KIAA0825: variants seen among roughly 807,000 people sequenced by gnomAD.
KIAA0825 encodes uncharacterized protein KIAA0825.
In KIAA0825, 119 loss-of-function variants were observed where a neutral mutation model predicts 147.6. The observed-to-expected ratio is 0.81, with a 90% CI of 0.69 to 0.94. KIAA0825 has a LOEUF of 0.94. Among genes scored for constraint, KIAA0825 ranks in the 40% least tolerant of loss-of-function variants. The pLI is 0.00. For missense variants in KIAA0825, 1,381 were observed against 1,472.7 expected, an observed-to-expected ratio of 0.94 and a Z score of 1.02; for synonymous variants, 470 against 518.1, an observed-to-expected ratio of 0.91 and a Z score of 1.26.
intron 20 of KIAA0825, among the ~76,000 whole-genome samples, chr5:94,205,500 C>T (rs529075668): frequency 6.6e-6 from 1 of 151,764 alleles, no homozygotes; most frequent in East Asian, 1.9e-4. Flanking sequence ...ACCATGTTAG[C>T]CAGGATGGTC....
At chr5:94,457,074 T>C (rs1759206143) in intron 12 of KIAA0825, among the ~76,000 whole-genome samples, 1 of 152,232 alleles carries the variant, frequency 6.6e-6, no homozygotes, top group South Asian at 2.1e-4. Context: ...ATAAGAGATA[T>C]TATGGCAGAT....
At chr5:94,483,958 C>T (rs946553244) in intron 6 of KIAA0825, among the ~76,000 whole-genome samples, 1 of 151,276 alleles carries the variant, frequency 6.6e-6, no homozygotes, top group African/African-American at 2.4e-5. Context: ...ATTTACACTC[C>T]TTAGAATGGC....
intron 20 of KIAA0825, among the ~76,000 whole-genome samples, chr5:94,307,336 G>A (rs1448496244): frequency 6.6e-6 from 1 of 151,664 alleles, no homozygotes; most frequent in Non-Finnish European, 1.5e-5. Context: ...AGTTTTGGCT[G>A]CCTATAATAG....
intron 17 of KIAA0825, among the ~76,000 whole-genome samples, chr5:94,394,326 G>A (rs888846738): frequency 2.6e-5 from 4 of 152,138 alleles, no homozygotes; most frequent in Non-Finnish European, 4.4e-5. Flanking sequence ...GAAAGATGTA[G>A]CATTGTGCTA....
At chr5:94,228,207 T>C (rs960948841) in intron 20 of KIAA0825, among the ~76,000 whole-genome samples, 1 of 152,180 alleles carries the variant, frequency 6.6e-6, no homozygotes, top group African/African-American at 2.4e-5. Flanking sequence ...TGAATTAAGT[T>C]TTATTAGAAT....
In KIAA0825 at chr5:94,224,082, C is replaced by CTTTTTTTTTTTTTTT. The variant is rs869059424; in HGVS notation, c.3711-69973_3711-69959dup. On this transcript the variant is annotated intron_variant, in intron 20 of 20. Transcript: ENST00000682413. The stretch of plus-strand genomic sequence containing the variant: ...TTTCTTTTCTCTTTCTTTTTCTTTT[C>CTTTTTTTTTTTTTTT]TTTTTTTTTTTTTTTTTTTTTTTTT... Among the ~76,000 whole-genome samples, 324 of 56,532 alleles carry CTTTTTTTTTTTTTTT rather than the reference C, an allele frequency of 5.7e-3. 4 individuals are homozygous for CTTTTTTTTTTTTTTT. Among genetic ancestry groups the CTTTTTTTTTTTTTTT allele is most frequent in the East Asian group, 8.2e-3 (13 of 1,592 alleles). 37.1% of individuals were successfully genotyped at this position (56,532 alleles called of 152,430 possible).
intron 20 of KIAA0825, among the ~76,000 whole-genome samples, chr5:94,290,047 GA>G (rs958297842): frequency 2.0e-5 from 3 of 148,666 alleles, no homozygotes; most frequent in Admixed American, 1.3e-4. Context: ...TTTACTGATT[GA>G]AAAAAAAATG....
chr5:94,460,594 A>G (rs1216515337), intron 12 of KIAA0825, among the ~76,000 whole-genome samples: 2 of 152,062 alleles, frequency 1.3e-5, no homozygotes, highest in South Asian at 2.1e-4. Flanking sequence ...CAATTCCTCA[A>G]AGAATGTGGT....
chr5:94,427,599 A>C (rs946623781), intron 14 of KIAA0825, among the ~76,000 whole-genome samples: 1 of 152,210 alleles, frequency 6.6e-6, no homozygotes, highest in Admixed American at 6.5e-5. Context: ...ACTACTTTTT[A>C]TAAGATTTGT....
chr5:94,289,535 GAAAAAAA>G (rs540467740), intron 20 of KIAA0825, among the ~76,000 whole-genome samples: 1 of 100,734 alleles, frequency 9.9e-6, no homozygotes, highest in African/African-American at 3.6e-5. Context: ...ACTCCATCTG[GAAAAAAA>G]AAAAAAAAAA....
Position 94,514,680 on chromosome 5 carries a change from G to A in KIAA0825, c.970+5568C>T, listed in dbSNP as rs569789476. ...GCTTCAGTATACTTTTTCTTCTTTC[G>A]TAATATCATCATTCAAATGGTCAAA... On this transcript the variant is annotated intron_variant, in intron 5 of 20. Coordinates refer to ENST00000682413, the MANE Select transcript of KIAA0825 (RefSeq NM_001145678.3). Among the ~76,000 whole-genome samples the A allele has an allele frequency of 3.9e-5, 6 of 152,218 alleles. 2 individuals carry two copies. The South Asian group carries it at 1.2e-3, about 32-fold the overall frequency.
intron 2 of KIAA0825, among the ~76,000 whole-genome samples, chr5:94,555,057 T>C (rs181537340): frequency 4.1e-4 from 62 of 152,084 alleles, no homozygotes; most frequent in African/African-American, 1.5e-3. Context: ...ATGTCCTTCA[T>C]TGTGAAATCT....
intron 20 of KIAA0825, among the ~76,000 whole-genome samples, chr5:94,276,682 A>T (rs551278510): frequency 6.6e-6 from 1 of 152,238 alleles, no homozygotes; most frequent in South Asian, 2.1e-4. Flanking sequence ...TTGCTGGATA[A>T]TAAGAAATAG....
chr5:94,581,137 G>C (rs575729667), intron 2 of KIAA0825, among the ~76,000 whole-genome samples: 2 of 151,918 alleles, frequency 1.3e-5, no homozygotes, highest in Non-Finnish European at 2.9e-5. Context: ...AAAATCAATA[G>C]TGAAACATGT....
chr5:94,609,298 A>G (rs1184256726), intron 1 of KIAA0825, among the ~76,000 whole-genome samples: 3 of 152,242 alleles, frequency 2.0e-5, no homozygotes, highest in Non-Finnish European at 4.4e-5. Context: ...GACATTGAAG[A>G]GACATTGCAA....
intron 14 of KIAA0825, among the ~76,000 whole-genome samples, chr5:94,438,582 G>A (rs1756665951): frequency 6.6e-6 from 1 of 152,056 alleles, no homozygotes; most frequent in Non-Finnish European, 1.5e-5. Flanking sequence ...TGAGGCCTGA[G>A]GAGTTGTGAT....
At chr5:94,499,236 A>G (rs1177598999) in intron 5 of KIAA0825, among the ~76,000 whole-genome samples, 1 of 152,156 alleles carries the variant, frequency 6.6e-6, no homozygotes, top group African/African-American at 2.4e-5. Flanking sequence ...AAGAAGCCAG[A>G]AGACCTGAGA....
chr5:94,209,948 A>G (rs1010423451), intron 20 of KIAA0825, among the ~76,000 whole-genome samples: 4 of 152,218 alleles, frequency 2.6e-5, no homozygotes. Context: ...ATCTTTGCCC[A>G]TCACAGTCTT....
chr5:94,219,090 C>T lies in KIAA0825; in HGVS notation c.3711-64966G>A, dbSNP rs942300219. On this transcript the variant is annotated intron_variant, in intron 20 of 20. Coordinates refer to ENST00000682413, the MANE Select transcript of KIAA0825 (RefSeq NM_001145678.3). ...AAGACAATTTTTCCACAGATGGGGG[C>T]GGGGAGAAGAGACAGTTTTGGAATG... 5.9e-5 allele frequency among the ~76,000 whole-genome samples: 9 copies of T among 151,950 alleles called. No individual in the cohort carries two copies. The East Asian group carries it at 9.7e-4, about 16-fold the overall frequency.
Sources: allele counts gnomAD v4.1 joint callset (sites outside exome capture counted in the v4.1 genomes callset), GRCh38; gene constraint gnomAD v4.1.1; transcripts MANE v1.5; gene names NCBI Gene and HGNC (gene_info 2026-07-23, HGNC 2026-07-21).